Variants in AOPEP observed in about 807,000 individuals in gnomAD.
The protein encoded by AOPEP is aminopeptidase O.
Under a neutral mutation model 98.1 loss-of-function variants are expected in AOPEP, and 77 were observed. The observed-to-expected ratio is 0.78, with a 90% CI of 0.65 to 0.95. The LOEUF (loss-of-function observed/expected upper bound fraction) is 0.95, where lower values mean the gene tolerates loss of function less well. AOPEP is among the 40% of genes least tolerant of loss of function. The pLI, the probability that AOPEP is intolerant of heterozygous loss-of-function variation, is 0.00. For synonymous variants in AOPEP, 346 were observed against 365.3 expected (o/e 0.95, Z 0.60); for missense variants, 1,024 against 1,024.7 (o/e 1.00, Z 0.01).
chr9:95,004,529 C>G (rs961044082), intron 11 of AOPEP, among the ~76,000 whole-genome samples: 17 of 152,166 alleles, frequency 1.1e-4, no homozygotes, highest in Non-Finnish European at 2.4e-4. Flanking sequence ...CCGGAGAAAA[C>G]TCCACTAGGA....
At chr9:94,746,346 A>G (rs1372586456) in intron 1 of AOPEP, among the ~76,000 whole-genome samples, 1 of 152,144 alleles carries the variant, frequency 6.6e-6, no homozygotes, top group Non-Finnish European at 1.5e-5. Flanking sequence ...CATCTTGGAA[A>G]TCTCAGACAC....
chr9:94,790,195 G>T (rs549049368), intron 3 of AOPEP, among the ~76,000 whole-genome samples: 1 of 148,416 alleles, frequency 6.7e-6, no homozygotes, highest in South Asian at 2.1e-4. Context: ...TTTTGTTGGA[G>T]ACCGAGTCTC....
the AOPEP span, chr9:95,111,090 T>G: frequency 6.6e-7 from 1 of 1,516,804 alleles, no homozygotes; most frequent in Non-Finnish European, 8.8e-7. Context: ...GCCCTGGCTG[T>G]GGCCAGGCTC....
chr9:94,745,844 G>C (rs1422212874), intron 1 of AOPEP, among the ~76,000 whole-genome samples: 2 of 152,200 alleles, frequency 1.3e-5, no homozygotes, highest in African/African-American at 2.4e-5. Flanking sequence ...GTGCAGGTAT[G>C]TCTTTGATAT....
intron 5 of AOPEP, among the ~76,000 whole-genome samples, chr9:94,921,988 C>CA (rs2053677693): frequency 1.3e-5 from 2 of 152,106 alleles, no homozygotes; most frequent in African/African-American, 4.8e-5. Flanking sequence ...GGTCCTGTCC[C>CA]AAGCCCAACA....
chr9:95,027,436 G>A (rs928409318), intron 13 of AOPEP, among the ~76,000 whole-genome samples: 1 of 152,134 alleles, frequency 6.6e-6, no homozygotes. Flanking sequence ...TTGAGTTGAT[G>A]TGTGTATGTG....
At chr9:94,874,756 C>T (rs10217441) in intron 5 of AOPEP, among the ~76,000 whole-genome samples, 136,644 of 152,222 alleles carry the variant, frequency 0.9, 61,918 homozygotes, top group East Asian at 0.97. Context: ...TGCTACGACT[C>T]AAAAACCAGA....
downstream of AOPEP, among the ~76,000 whole-genome samples, chr9:95,090,819 G>T (rs1315253314): frequency 6.6e-6 from 1 of 152,182 alleles, no homozygotes; most frequent in Non-Finnish European, 1.5e-5. Flanking sequence ...CTTCCTTTGA[G>T]GATTAAAGGA....
chr9:94,823,363 C>T (rs1853710986), intron 5 of AOPEP, among the ~76,000 whole-genome samples: 1 of 152,200 alleles, frequency 6.6e-6, no homozygotes, highest in African/African-American at 2.4e-5. Flanking sequence ...GTATACCTCT[C>T]TACCTTTTAC....
chr9:94,838,011 C>T (rs1051465691), intron 5 of AOPEP, among the ~76,000 whole-genome samples: 1 of 152,020 alleles, frequency 6.6e-6, no homozygotes, highest in Non-Finnish European at 1.5e-5. Flanking sequence ...TCTAGAAAAC[C>T]CAGTAATTTT....
chr9:94,931,459 T>C (rs1453482591), intron 7 of AOPEP, among the ~76,000 whole-genome samples: 1 of 152,216 alleles, frequency 6.6e-6, no homozygotes, highest in African/African-American at 2.4e-5. Flanking sequence ...CCCTGAATTA[T>C]ATAGTCTAGG....
intron 2 of AOPEP, among the ~76,000 whole-genome samples, chr9:94,768,428 G>A (rs1234015273): frequency 1.3e-5 from 2 of 152,206 alleles, no homozygotes; most frequent in East Asian, 3.8e-4. Context: ...AAAATATATG[G>A]TTTTAAGCAA....
At chr9:94,970,080 T>C (rs1356589665) in intron 10 of AOPEP, among the ~76,000 whole-genome samples, 1 of 152,180 alleles carries the variant, frequency 6.6e-6, no homozygotes, top group African/African-American at 2.4e-5. Context: ...ATTGGGTTTT[T>C]GTTTGGCTTT....
the AOPEP span, among the ~76,000 whole-genome samples, chr9:95,146,035 A>G: frequency 6.6e-6 from 1 of 152,184 alleles, no homozygotes; most frequent in Admixed American, 6.5e-5. Flanking sequence ...CAATCAGGAT[A>G]ATTTAATTCC....
intron 13 of AOPEP, among the ~76,000 whole-genome samples, chr9:95,051,353 G>A (rs2066348515): frequency 2.0e-5 from 3 of 151,422 alleles, no homozygotes; most frequent in African/African-American, 7.3e-5. Context: ...CTCCCAAAAT[G>A]TTGGGATTAC....
intron 5 of AOPEP, among the ~76,000 whole-genome samples, chr9:94,887,334 C>A (rs950101370): frequency 5.9e-5 from 9 of 151,654 alleles, no homozygotes; most frequent in African/African-American, 2.2e-4. Context: ...GGCGACAGAG[C>A]CAGACCCTGT....
chr9:94,948,999 T>G (rs1490402516), intron 7 of AOPEP, among the ~76,000 whole-genome samples: 1 of 152,228 alleles, frequency 6.6e-6, no homozygotes, highest in African/African-American at 2.4e-5. Flanking sequence ...TCAACTATTG[T>G]CTGTGTTCTC....
chr9:95,119,441 C>G, the AOPEP span, among the ~76,000 whole-genome samples: 376 of 150,652 alleles, frequency 2.5e-3, 2 homozygotes, highest in Middle Eastern at 3.4e-3. Flanking sequence ...TCTTGGCTCC[C>G]TGCAACCTCC....
At chr9:94,761,472 G>GGAAC (rs747794214) in intron 2 of AOPEP, among the ~76,000 whole-genome samples, 6 of 152,144 alleles carry the variant, frequency 3.9e-5, no homozygotes, top group Non-Finnish European at 8.8e-5. Context: ...CTTGGATGGA[G>GGAAC]GAACGTTGAC....
Sources: allele counts gnomAD v4.1 joint callset (sites outside exome capture counted in the v4.1 genomes callset), GRCh38; gene constraint gnomAD v4.1.1; transcripts MANE v1.5; gene names NCBI Gene and HGNC (gene_info 2026-07-23, HGNC 2026-07-21).